SLC35F3: variants seen among roughly 807,000 people sequenced by gnomAD.
SLC35F3 encodes the protein putative thiamine transporter SLC35F3.
A neutral mutation model predicts 49.9 loss-of-function variants in SLC35F3; 25 were observed. The observed-to-expected ratio is 0.50, with a 90% CI of 0.37 to 0.70. The LOEUF (loss-of-function observed/expected upper bound fraction) is 0.70. SLC35F3 is among the 30% of genes least tolerant of loss of function. SLC35F3 has a pLI of 0.00. For missense variants in SLC35F3, 525 were observed against 639.8 expected (o/e 0.82, Z 1.94); for synonymous variants, 275 against 265.4 (o/e 1.04, Z -0.35).
chr1:233,977,175 C>G (rs1230640996), intron 2 of SLC35F3, among the ~76,000 whole-genome samples: 1 of 152,218 alleles, frequency 6.6e-6, no homozygotes, highest in Non-Finnish European at 1.5e-5. Flanking sequence ...CATATTGCAG[C>G]CCTGCACCTG....
chr1:234,205,953 G>C (rs747538532), intron 2 of SLC35F3, among the ~76,000 whole-genome samples: 10 of 152,110 alleles, frequency 6.6e-5, no homozygotes, highest in Non-Finnish European at 1.3e-4. Context: ...GGAGAAGAAG[G>C]CTATGTTGGG....
chr1:233,905,457 C>G (rs909821138), intron 1 of SLC35F3, 72 bp from the exon 2 acceptor site: 1 of 1,163,108 alleles, frequency 8.6e-7, no homozygotes, highest in South Asian at 1.4e-5. Flanking sequence ...GGGATCTGCT[C>G]CTCACGAATC....
At chr1:234,258,718 G>A (rs1241497469) in intron 3 of SLC35F3, among the ~76,000 whole-genome samples, 1 of 152,262 alleles carries the variant, frequency 6.6e-6, no homozygotes, top group Non-Finnish European at 1.5e-5. Context: ...GCAAGATGGA[G>A]TCAGCTATGT....
intron 3 of SLC35F3, among the ~76,000 whole-genome samples, chr1:234,273,067 A>G (rs913057074): frequency 6.6e-6 from 1 of 152,160 alleles, no homozygotes; most frequent in African/African-American, 2.4e-5. Context: ...CTAATCCATT[A>G]TTGAATCATG....
intron 2 of SLC35F3, among the ~76,000 whole-genome samples, chr1:234,028,883 G>T (rs1244191654): frequency 2.0e-5 from 3 of 152,136 alleles, no homozygotes; most frequent in Non-Finnish European, 4.4e-5. Context: ...TGATGGTTTG[G>T]ACAAGCTGCC....
chr1:234,180,047 T>C (rs1422160024), intron 2 of SLC35F3, among the ~76,000 whole-genome samples: 1 of 152,132 alleles, frequency 6.6e-6, no homozygotes. Context: ...TTGATTTCCA[T>C]AGACATTTTT....
intron 2 of SLC35F3, among the ~76,000 whole-genome samples, chr1:233,949,335 G>T (rs1662566483): frequency 6.6e-6 from 1 of 152,188 alleles, no homozygotes; most frequent in Admixed American, 6.5e-5. Context: ...TGGTGTGCCA[G>T]GAGTGCTGGG....
intron 1 of SLC35F3, 61 bp downstream of exon 1, chr1:233,905,191 T>A: frequency 6.5e-7 from 1 of 1,529,052 alleles, no homozygotes; most frequent in Non-Finnish European, 8.8e-7. Context: ...AGCGCCGGGG[T>A]AGCCCTTTGC....
chr1:234,124,295 C>T (rs145400947), intron 2 of SLC35F3, among the ~76,000 whole-genome samples: 1 of 152,314 alleles, frequency 6.6e-6, no homozygotes, highest in Non-Finnish European at 1.5e-5. Context: ...GTCCAAGACT[C>T]AGAATTCACA....
At chr1:233,919,277 G>T (rs1200218812) in intron 2 of SLC35F3, among the ~76,000 whole-genome samples, 1 of 152,172 alleles carries the variant, frequency 6.6e-6, no homozygotes, top group Non-Finnish European at 1.5e-5. Flanking sequence ...GGCAGCACTT[G>T]TCGTTGCTGG....
chr1:234,153,928 C>A (rs142788371), intron 2 of SLC35F3, among the ~76,000 whole-genome samples: 1 of 151,934 alleles, frequency 6.6e-6, no homozygotes, highest in Non-Finnish European at 1.5e-5. Flanking sequence ...CCGGGCATGG[C>A]GGCAGGCGCC....
At chr1:234,322,531 TGAG>T (rs1657645711) in intron 7 of SLC35F3, among the ~76,000 whole-genome samples, 1 of 151,972 alleles carries the variant, frequency 6.6e-6, no homozygotes, top group Non-Finnish European at 1.5e-5. Context: ...TTGAGTAGGC[TGAG>T]GAGGAGAAGG....
chr1:234,196,941 T>TG (rs1009488985), intron 2 of SLC35F3, among the ~76,000 whole-genome samples: 10 of 151,760 alleles, frequency 6.6e-5, no homozygotes, highest in African/African-American at 2.4e-4. Context: ...GACTCCATAT[T>TG]GGGAAAAAAA....
intron 2 of SLC35F3, among the ~76,000 whole-genome samples, chr1:234,114,173 C>G (rs766205560): frequency 1.3e-5 from 2 of 152,212 alleles, no homozygotes; most frequent in African/African-American, 2.4e-5. Flanking sequence ...CACACCACTG[C>G]ATGCCATTAA....
intron 2 of SLC35F3, among the ~76,000 whole-genome samples, chr1:233,991,303 G>T (rs1349162793): frequency 6.6e-6 from 1 of 152,134 alleles, no homozygotes; most frequent in Non-Finnish European, 1.5e-5. Flanking sequence ...TACCCTCTGT[G>T]CTGTAGATGC....
chr1:234,317,304 G>A (rs980996800), intron 5 of SLC35F3, among the ~76,000 whole-genome samples: 1 of 152,176 alleles, frequency 6.6e-6, no homozygotes, highest in Admixed American at 6.5e-5. Flanking sequence ...AGGTCTAGAG[G>A]AAACAAATTT....
chr1:234,161,338 G>A (rs1374895238), intron 2 of SLC35F3, among the ~76,000 whole-genome samples: 4 of 152,308 alleles, frequency 2.6e-5, no homozygotes, highest in South Asian at 2.1e-4. Context: ...ATTCTGGGGC[G>A]AGGATTTTAA....
At chr1:234,147,229 TC>T (rs1161839185) in intron 2 of SLC35F3, among the ~76,000 whole-genome samples, 37 of 95,450 alleles carry the variant, frequency 3.9e-4, no homozygotes, top group African/African-American at 1.3e-3. Context: ...CTTTCTATTT[TC>T]TTTTTTTTTT....
At chr1:234,149,621 A>ATTT (rs1184668337) in intron 2 of SLC35F3, among the ~76,000 whole-genome samples, 1 of 152,168 alleles carries the variant, frequency 6.6e-6, no homozygotes, top group African/African-American at 2.4e-5. Flanking sequence ...GAATTCCTGG[A>ATTT]CATCTGTTTC....
Sources: gnomAD v4.1 joint callset for allele counts (sites outside exome capture counted in the v4.1 genomes callset) on GRCh38, gnomAD v4.1.1 for gene constraint, MANE v1.5 for transcripts, NCBI Gene and HGNC (gene_info 2026-07-23, HGNC 2026-07-21) for gene names.